The following SS18L1 variants were observed in gnomAD, a reference collection of about 807,000 sequenced individuals.
SS18L1 encodes the protein SS18L1 subunit of BAF chromatin remodeling complex, also known as calcium-responsive transactivator.
A neutral mutation model predicts 70.3 loss-of-function variants in SS18L1; 32 were observed. The observed-to-expected ratio is 0.46, with a 90% CI of 0.34 to 0.61. SS18L1 has a LOEUF of 0.61. Among genes scored for constraint, SS18L1 ranks in the 20% least tolerant of loss-of-function variants. The probability of loss-of-function intolerance (pLI) is 0.01; values close to 1 mark genes in which losing one functional copy is unlikely to be tolerated. For synonymous variants in SS18L1, 237 were observed against 229.7 expected (o/e 1.03, Z -0.29); for missense variants, 430 against 542.1 (o/e 0.79, Z 2.05).
At chr20:62,165,158 G>A (rs1030262965) in intron 7 of SS18L1, among the ~76,000 whole-genome samples, 1 of 152,248 alleles carries the variant, frequency 6.6e-6, no homozygotes, top group African/African-American at 2.4e-5. Flanking sequence ...ATGGCTGTGT[G>A]GCAGGCACTG....
At chr20:62,170,422 C>T (rs1313988348) in intron 8 of SS18L1, among the ~76,000 whole-genome samples, 2 of 152,218 alleles carry the variant, frequency 1.3e-5, no homozygotes, top group Non-Finnish European at 2.9e-5. Context: ...AGGAGAATGG[C>T]GTGAACCCCG....
rs115725863 is a variant in SS18L1, at chr20:62,165,612, T to C, written c.916+98T>C. On this transcript the variant is annotated intron_variant, in intron 8 of 10. Transcript: ENST00000331758. ...AGGAGCACGCGGTGCCTGCCTTCAG[T>C]GAGTCCCTTAAATCACAGCACAGCG... 2,340 of 1,131,794 alleles carry C rather than the reference T, an allele frequency of 2.1e-3. 43 individuals are homozygous for C. In the African/African-American group the frequency reaches 0.032, roughly 16 times the overall value. 70.1% of individuals were successfully genotyped at this position (1,131,794 alleles called of 1,614,324 possible).
intron 5 of SS18L1, 102 bp from the exon 6 acceptor site, chr20:62,163,356 G>A: frequency 6.6e-7 from 1 of 1,514,358 alleles, no homozygotes; most frequent in Non-Finnish European, 8.9e-7. Flanking sequence ...GGGAGCACAG[G>A]AAAATAACGA....
At chr20:62,163,672 G>C (rs747362882) in intron 6 of SS18L1, 50 bp downstream of exon 6, 1 of 1,487,060 alleles carries the variant, frequency 6.7e-7, no homozygotes, top group African/African-American at 1.4e-5. Flanking sequence ...GCCGCGGGTC[G>C]TGAAGTGCCA....
At chr20:62,148,273 TGTCTTAG>T (rs2057068452) in intron 1 of SS18L1, among the ~76,000 whole-genome samples, 1 of 151,492 alleles carries the variant, frequency 6.6e-6, no homozygotes, top group Non-Finnish European at 1.5e-5. Context: ...GCCTCCTTGC[TGTCTTAG>T]GTCAGGTGAG....
chr20:62,173,067 T>A (rs2057561422), intron 9 of SS18L1, among the ~76,000 whole-genome samples: 1 of 152,252 alleles, frequency 6.6e-6, no homozygotes, highest in Non-Finnish European at 1.5e-5. Flanking sequence ...GTTGGAAACA[T>A]CCATGCACGT....
intron 4 of SS18L1, 191 bp from the exon 5 acceptor site, chr20:62,162,561 C>G: frequency 1.7e-6 from 1 of 595,990 alleles, no homozygotes; most frequent in South Asian, 2.4e-5. Context: ...ACCTCGGCCT[C>G]CCAAAGTGCT....
rs566135287 is a variant in SS18L1, at chr20:62,158,359, G to A, written c.70-313G>A. 4.0e-5 allele frequency among the ~76,000 whole-genome samples: 6 copies of A among 151,526 alleles called. No individual in the cohort carries two copies. Among genetic ancestry groups the A allele is most frequent in the East Asian group, 1.9e-4 (1 of 5,152 alleles). On this transcript the variant is annotated intron_variant, in intron 1 of 10. Transcript: ENST00000331758. This position sits in a 1 kb window ranked among gnomAD's most constrained non-coding sequence, Gnocchi z 4.5. ...AGGCAATGCACGTAACGACAGTTTC[G>A]TATACAGAACAGGCGTAGCATCCGA...
chr20:62,175,054 CG>C, intron 10 of SS18L1: 2 of 730,728 alleles, frequency 2.7e-6, no homozygotes, highest in Non-Finnish European at 3.3e-6. Context: ...GAGGACAGAG[CG>C]GGGGGCCCCA....
chr20:62,165,619 C>T (rs376430845), intron 8 of SS18L1, 105 bp downstream of exon 8: 1 of 1,061,594 alleles, frequency 9.4e-7, no homozygotes, highest in Non-Finnish European at 1.4e-6. Context: ...CAGTGAGTCC[C>T]TTAAATCACA....
At chr20:62,170,375 G>A (rs1389366041) in intron 8 of SS18L1, among the ~76,000 whole-genome samples, 2 of 152,198 alleles carry the variant, frequency 1.3e-5, no homozygotes, top group African/African-American at 4.8e-5. Flanking sequence ...GCGTGGTGGC[G>A]GGCGCCTGTT....
intron 1 of SS18L1, among the ~76,000 whole-genome samples, chr20:62,149,511 A>G (rs1189739904): frequency 6.6e-6 from 1 of 152,224 alleles, no homozygotes; most frequent in African/African-American, 2.4e-5. Flanking sequence ...TGGTGTTACC[A>G]GGATGGGGAT....
At chr20:62,171,452 C>T (rs2057530535) in intron 8 of SS18L1, among the ~76,000 whole-genome samples, 1 of 152,118 alleles carries the variant, frequency 6.6e-6, no homozygotes, top group Admixed American at 6.6e-5. Flanking sequence ...CAAGATACTT[C>T]CTGGATAGAG....
chr20:62,162,854 AG>A lies in SS18L1; in HGVS notation c.482del (p.Gly161AlafsTer28). The A allele has an allele frequency of 1.2e-6, 2 of 1,612,908 alleles. No homozygotes were observed. The highest frequency in any genetic ancestry group is 1.7e-6 in the Non-Finnish European group (2 of 1,179,956). Reference protein sequence around the residue: ...PGYSHAGPASQGVPMQGQGTI... With the variant: ...PGYSHAGPASXGVPMQGQGTI... ...TACAGCCACGCGGGACCCGCCTCGC[AG>A]GGCGTCCCCATGCAGGGGCAAGGCA... On this transcript the variant is annotated frameshift_variant, in exon 5 of 11. Coordinates refer to ENST00000331758, the MANE Select transcript of SS18L1 (RefSeq NM_198935.3). LOFTEE classifies it high-confidence loss of function.
At chr20:62,163,757 G>C in intron 6 of SS18L1, 135 bp downstream of exon 6, 3 of 1,273,608 alleles carry the variant, frequency 2.4e-6, no homozygotes, top group Non-Finnish European at 3.2e-6. Flanking sequence ...TTGGCGCCTT[G>C]GTGTTAACAT....
At chr20:62,146,854 A>G (rs57813855) in intron 1 of SS18L1, among the ~76,000 whole-genome samples, 24,457 of 151,592 alleles carry the variant, frequency 0.16, 5,942 homozygotes, top group African/African-American at 0.53. Flanking sequence ...CCCGACCCCA[A>G]GTGATCTGCC....
chr20:62,164,711 C>A (rs1253097023), intron 7 of SS18L1, among the ~76,000 whole-genome samples: 1 of 152,132 alleles, frequency 6.6e-6, no homozygotes, highest in East Asian at 1.9e-4. Context: ...TTTGCATAGT[C>A]CCAGGGCTTG....
chr20:62,171,503 G>A lies in SS18L1; in HGVS notation c.917-1179G>A, dbSNP rs117855381. On this transcript the variant is annotated intron_variant, in intron 8 of 10. Coordinates refer to ENST00000331758, the MANE Select transcript of SS18L1 (RefSeq NM_198935.3). The stretch of plus-strand genomic sequence containing the variant: ...TCAAGTAAGTTTTTCCGAAGCTCTC[G>A]CCTTAGGAGGAGTTCAGCCTGGAAT... 3.3e-3 allele frequency among the ~76,000 whole-genome samples: 510 copies of A among 152,310 alleles called. 3 individuals carry two copies. Among genetic ancestry groups the A allele is most frequent in the Non-Finnish European group, 5.6e-3 (378 of 68,024 alleles).
rs2057592426 is a variant in SS18L1, at chr20:62,174,790, T to G, written c.1164+146T>G. 2 of 1,550,832 alleles carry G rather than the reference T, an allele frequency of 1.3e-6. No homozygotes were observed. The highest frequency in any genetic ancestry group is 1.9e-5 in the Admixed American group (1 of 51,924). Reference sequence around the variant, plus strand: ...CCAGAACGTTAAGTCTCTGAGCCTGTAAGGTTTTGCAGAATTGCCTCTGTG... The same window carrying G: ...CCAGAACGTTAAGTCTCTGAGCCTGGAAGGTTTTGCAGAATTGCCTCTGTG... On this transcript the variant is annotated intron_variant, in intron 10 of 10. Transcript: ENST00000331758. This position sits in a 1 kb window ranked among gnomAD's most constrained non-coding sequence, Gnocchi z 4.1.
Sources: allele counts gnomAD v4.1 joint callset (sites outside exome capture counted in the v4.1 genomes callset), GRCh38; gene constraint gnomAD v4.1.1; non-coding constraint Gnocchi (gnomAD v3.1); transcripts MANE v1.5; gene names NCBI Gene and HGNC (gene_info 2026-07-23, HGNC 2026-07-21).